The following DDX1 variants were observed in gnomAD, a reference collection of about 807,000 sequenced individuals.
The protein encoded by DDX1 is ATP-dependent RNA helicase DDX1.
DDX1 carries 28 observed loss-of-function variants against 108.7 expected under a neutral mutation model. The ratio of observed to expected loss-of-function variants is 0.26; its 90% CI spans 0.19 to 0.35. The LOEUF is 0.35. DDX1 is among the 10% of genes least tolerant of loss of function. The probability of loss-of-function intolerance (pLI) is 1.00; values close to 1 mark genes in which losing one functional copy is unlikely to be tolerated. For synonymous variants in DDX1, 295 were observed against 288.9 expected (o/e 1.02, Z -0.21); for missense variants, 710 against 884.5 (o/e 0.80, Z 2.50).
chr2:15,594,040 T>C (rs1465914795), intron 1 of DDX1, among the ~76,000 whole-genome samples: 2 of 151,038 alleles, frequency 1.3e-5, no homozygotes, highest in Non-Finnish European at 1.5e-5. Flanking sequence ...ATCATGCCCC[T>C]ACACTCCAGC....
chr2:15,612,852 C>T (rs1435763550), intron 13 of DDX1, among the ~76,000 whole-genome samples: 4 of 152,104 alleles, frequency 2.6e-5, no homozygotes, highest in African/African-American at 9.7e-5. Context: ...CAAAAAAATA[C>T]GAAAACCAGT....
intron 13 of DDX1, among the ~76,000 whole-genome samples, chr2:15,609,977 C>G (rs376663061): frequency 6.6e-6 from 1 of 152,166 alleles, no homozygotes; most frequent in East Asian, 1.9e-4. Flanking sequence ...ACTCTGTCAC[C>G]TAGGCTGGAG....
intron 14 of DDX1, among the ~76,000 whole-genome samples, chr2:15,615,851 C>T (rs926212424): frequency 6.6e-6 from 1 of 152,060 alleles, no homozygotes; most frequent in Non-Finnish European, 1.5e-5. Context: ...TATTTGTGCT[C>T]ACATAAATAC....
intron 12 of DDX1, 124 bp from the exon 13 acceptor site, chr2:15,607,051 C>T: frequency 1.1e-6 from 1 of 946,072 alleles, no homozygotes; most frequent in Non-Finnish European, 1.6e-6. Flanking sequence ...GTTTGACTGT[C>T]TTCTCTACTT....
chr2:15,621,788 G>A (rs1027347296), intron 18 of DDX1, among the ~76,000 whole-genome samples: 6 of 151,638 alleles, frequency 4.0e-5, no homozygotes, highest in South Asian at 2.1e-4. Context: ...GGGTAGCTGG[G>A]ATTACAGGCA....
At chr2:15,615,445 C>T (rs1297279240) in intron 14 of DDX1, among the ~76,000 whole-genome samples, 3 of 152,222 alleles carry the variant, frequency 2.0e-5, no homozygotes, top group Admixed American at 6.5e-5. Flanking sequence ...ATTTTGTTCA[C>T]TGCTGTGTAC....
chr2:15,609,895 T>A (rs747793414), intron 13 of DDX1, among the ~76,000 whole-genome samples: 5 of 152,196 alleles, frequency 3.3e-5, no homozygotes, highest in Non-Finnish European at 7.3e-5. Flanking sequence ...TTTTATTTGT[T>A]TGTTTTTTAA....
chr2:15,625,489 G>A (rs974022407), intron 19 of DDX1, among the ~76,000 whole-genome samples: 8 of 152,070 alleles, frequency 5.3e-5, no homozygotes, highest in Non-Finnish European at 7.4e-5. Context: ...TATGCATGCC[G>A]AACTCTGTAC....
chr2:15,595,798 G>A (rs1473358654), intron 3 of DDX1, among the ~76,000 whole-genome samples: 1 of 152,148 alleles, frequency 6.6e-6, no homozygotes, highest in East Asian at 1.9e-4. Context: ...CGTAAGAGAT[G>A]CAGAGTAGTA....
chr2:15,608,672 T>G (rs1202378141), intron 13 of DDX1, among the ~76,000 whole-genome samples: 1 of 146,178 alleles, frequency 6.8e-6, no homozygotes, highest in Admixed American at 6.9e-5. Context: ...GGTTTTTTTT[T>G]TTTTTTTTTT....
chr2:15,592,569 C>T (rs1339061188), intron 1 of DDX1, among the ~76,000 whole-genome samples: 1 of 152,126 alleles, frequency 6.6e-6, no homozygotes, highest in Non-Finnish European at 1.5e-5. Flanking sequence ...TTGGAAAATT[C>T]ATATTTATTT....
intron 6 of DDX1, among the ~76,000 whole-genome samples, chr2:15,601,919 T>C (rs1229054537): frequency 2.0e-5 from 3 of 152,236 alleles, no homozygotes; most frequent in African/African-American, 7.2e-5. Flanking sequence ...TCACTGAGAC[T>C]GATCATGATG....
chr2:15,606,076 A>G, intron 11 of DDX1, 50 bp downstream of exon 11: 1 of 1,555,256 alleles, frequency 6.4e-7, no homozygotes, highest in Non-Finnish European at 8.8e-7. Flanking sequence ...TAAGCTGCTT[A>G]CTCTTCATTA....
chr2:15,599,751 A>C, intron 6 of DDX1, 35 bp downstream of exon 6: 1 of 1,496,236 alleles, frequency 6.7e-7, no homozygotes, highest in Non-Finnish European at 9.2e-7. Context: ...CTCATTTGTA[A>C]TTCAGAAACT....
intron 15 of DDX1, 76 bp from the exon 16 acceptor site, chr2:15,618,105 T>G: frequency 3.8e-6 from 3 of 794,524 alleles, no homozygotes; most frequent in East Asian, 5.0e-5. Flanking sequence ...AGAAAAAAGA[T>G]TTTTGATACT....
intron 17 of DDX1, 67 bp downstream of exon 17, chr2:15,620,463 C>A (rs2148747583): frequency 8.0e-7 from 1 of 1,250,236 alleles, no homozygotes; most frequent in Non-Finnish European, 1.1e-6. Context: ...CAGCCTTGGG[C>A]TCTTAGTGAT....
In DDX1 at chr2:15,605,935, C is replaced by G; in HGVS notation, c.626-15C>G. 6.5e-7 allele frequency: 1 copy of G among 1,526,864 alleles called. No homozygotes were observed. 94.6% of individuals were successfully genotyped at this position (1,526,864 alleles called of 1,614,324 possible). A position where few individuals can be genotyped will look rare whatever the true frequency, so the allele number is the denominator to read the frequency against. On this transcript the variant is annotated splice_polypyrimidine_tract_variant and intron_variant, in intron 10 of 25. Coordinates refer to ENST00000233084, the MANE Select transcript of DDX1 (RefSeq NM_004939.3). ...TCTGATTGTTTTAATCTCTCTCTCTCTCTTGTTTTTTAAGGAAAAGATCTT... is the reference window on the plus strand; with the variant it reads ...TCTGATTGTTTTAATCTCTCTCTCTGTCTTGTTTTTTAAGGAAAAGATCTT...
At chr2:15,611,473 T>G (rs868570402) in intron 13 of DDX1, among the ~76,000 whole-genome samples, 26,482 of 123,526 alleles carry the variant, frequency 0.21, 3,687 homozygotes, top group African/African-American at 0.39. Flanking sequence ...GGGCAGAGGC[T>G]CCCCCCACCT....
At chr2:15,604,202 G>A (rs1665629659) in intron 9 of DDX1, among the ~76,000 whole-genome samples, 1 of 152,128 alleles carries the variant, frequency 6.6e-6, no homozygotes, top group Non-Finnish European at 1.5e-5. Context: ...TGATCATGAT[G>A]AGTCTAAATA....
Sources: gnomAD v4.1 joint callset for allele counts (sites outside exome capture counted in the v4.1 genomes callset) on GRCh38, gnomAD v4.1.1 for gene constraint, MANE v1.5 for transcripts, NCBI Gene and HGNC (gene_info 2026-07-23, HGNC 2026-07-21) for gene names.